The following RGS4 variants were observed in gnomAD, a reference collection of about 807,000 sequenced individuals.
RGS4 encodes the protein schizophrenia disorder 9.
In RGS4, 15 loss-of-function variants were observed where a neutral mutation model predicts 21.6. That is an observed-to-expected ratio of 0.69 (90% CI 0.46 to 1.07). The LOEUF is 1.07. Among genes scored for constraint, RGS4 ranks in the 50% least tolerant of loss-of-function variants. The pLI is 0.00. For missense variants in RGS4, 237 were observed against 239.0 expected (o/e 0.99, Z 0.06); for synonymous variants, 94 against 85.5 (o/e 1.10, Z -0.55).
chr1:163,072,322 A>T, intron 1 of RGS4, 73 bp from the exon 2 acceptor site: 3 of 1,202,436 alleles, frequency 2.5e-6, no homozygotes, highest in Non-Finnish European at 3.6e-6. Flanking sequence ...TGGACTCTTC[A>T]AGCTCTACCA....
chr1:163,070,670 G>C (rs1321857492), intron 1 of RGS4: 1 of 152,142 alleles, frequency 6.6e-6, no homozygotes, highest in African/African-American at 2.4e-5. Flanking sequence ...ACTTGCATAT[G>C]AAATGAACCG....
intron 3 of RGS4, 118 bp from the exon 4 acceptor site, chr1:163,073,338 A>G (rs1041891396): frequency 1.2e-6 from 1 of 827,842 alleles, no homozygotes; most frequent in Admixed American, 2.8e-5. Flanking sequence ...AAGCAGGGGA[A>G]AAAGGGATTG....
At chr1:163,074,251 T>C in intron 4 of RGS4, 70 bp from the exon 5 acceptor site, 1 of 1,596,504 alleles carries the variant, frequency 6.3e-7, no homozygotes. Context: ...TACAAGTCAC[T>C]ACAAAGCATA....
Position 163,075,974 on chromosome 1 carries a change from G to C in RGS4, c.*1414G>C, listed in dbSNP as rs1021555185. 2.0e-5 allele frequency: 3 copies of C among 152,254 alleles called. No homozygotes were observed. The highest frequency in any genetic ancestry group is 7.3e-5 in the African/African-American group (3 of 41,368). 9.4% of individuals were successfully genotyped at this position (152,254 alleles called of 1,614,324 possible). On this transcript the variant is annotated 3_prime_UTR_variant, in exon 5 of 5. Transcript: ENST00000367909. ...AAAAGAAAAGAAAAAAAAAATGATT[G>C]TCTAACCAATTGTGAGAATTACTGT...
chr1:163,070,429 G>C (rs988314721), intron 1 of RGS4: 1 of 152,056 alleles, frequency 6.6e-6, no homozygotes, highest in Non-Finnish European at 1.5e-5. Flanking sequence ...ACTGCAAATA[G>C]AAATTACCAC....
Position 163,072,794 on chromosome 1 carries a change from A to AT in RGS4, c.150-5dup, listed in dbSNP as rs1277471382. The AT allele has an allele frequency of 2.5e-6, 4 of 1,610,614 alleles. No homozygotes were observed. The highest frequency in any genetic ancestry group is 3.4e-6 in the Non-Finnish European group (4 of 1,177,888). Reference sequence around the variant, plus strand: ...CATTCCAATTATTCTGTTTCTCTCTATTTTTTCTAGAGTGAGCCAAGAGGA... The same window carrying AT: ...CATTCCAATTATTCTGTTTCTCTCTATTTTTTTCTAGAGTGAGCCAAGAGGA... On this transcript the variant is annotated splice_polypyrimidine_tract_variant and intron_variant, in intron 2 of 4. Coordinates refer to ENST00000367909, the MANE Select transcript of RGS4 (RefSeq NM_005613.6).
intron 1 of RGS4, chr1:163,070,645 T>C (rs1309459964): frequency 6.6e-6 from 1 of 152,190 alleles, no homozygotes. Flanking sequence ...AGCAAATTAC[T>C]TCAAGCTTCA....
At position 163,074,307 on chromosome 1, in the gene RGS4, C is replaced by T. The variant is rs770152187; in HGVS notation, c.379-14C>T. The T allele has an allele frequency of 3.1e-6, 5 of 1,613,414 alleles. No individual in the cohort carries two copies. Among genetic ancestry groups the T allele is most frequent in the Non-Finnish European group, 4.2e-6 (5 of 1,179,712 alleles). On this transcript the variant is annotated splice_polypyrimidine_tract_variant and intron_variant, in intron 4 of 4. Transcript: ENST00000367909. Reference sequence around the variant, plus strand: ...GGATATAGGTCTAATGAAGCCTTGGCCTTTGCCCCTCAGGTGAACCTGGAT... The same window carrying T: ...GGATATAGGTCTAATGAAGCCTTGGTCTTTGCCCCTCAGGTGAACCTGGAT...
At position 163,076,120 on chromosome 1, in the gene RGS4, C is replaced by T. The variant is rs1655488010; in HGVS notation, c.*1560C>T. 6.6e-6 allele frequency: 1 copy of T among 152,528 alleles called. No individual in the cohort carries two copies. The highest frequency in any genetic ancestry group is 6.6e-5 in the Admixed American group (1 of 15,250). 9.4% of individuals were successfully genotyped at this position (152,528 alleles called of 1,614,324 possible). A position where few individuals can be genotyped will look rare whatever the true frequency, so the allele number is the denominator to read the frequency against. On this transcript the variant is annotated 3_prime_UTR_variant, in exon 5 of 5. Coordinates refer to ENST00000367909, the MANE Select transcript of RGS4 (RefSeq NM_005613.6). Reference sequence around the variant, plus strand: ...TATAAATGGAGGTACAGGATATCACCTGAATTATTAATGAATGCCCAGGAA... The same window carrying T: ...TATAAATGGAGGTACAGGATATCACTTGAATTATTAATGAATGCCCAGGAA...
chr1:163,073,690 C>T, intron 4 of RGS4, 68 bp downstream of exon 4: 1 of 1,021,868 alleles, frequency 9.8e-7, no homozygotes, highest in Non-Finnish European at 1.4e-6. Flanking sequence ...TTGATACATG[C>T]ATACAATGTG....
rs1191842196 is a variant in RGS4 at position 163,074,794 on chromosome 1, G to T, written c.*234G>T. On this transcript the variant is annotated 3_prime_UTR_variant, in exon 5 of 5. Coordinates refer to ENST00000367909, the MANE Select transcript of RGS4 (RefSeq NM_005613.6). ...CCAATTTTCCTAAGTTTCTTTGAGG[G>T]TTCCATGGGAGCAAATATCTAAATA... The T allele has an allele frequency of 3.1e-6, 2 of 641,180 alleles. No homozygotes were observed. Among genetic ancestry groups the T allele is most frequent in the Non-Finnish European group, 5.5e-6 (2 of 364,016 alleles). 39.7% of individuals were successfully genotyped at this position (641,180 alleles called of 1,614,324 possible).
At chr1:163,074,189 C>A in intron 4 of RGS4, 132 bp from the exon 5 acceptor site, 1 of 1,118,516 alleles carries the variant, frequency 8.9e-7, no homozygotes, top group Non-Finnish European at 1.3e-6. Context: ...AAGGAGGACC[C>A]CAATGTCACT....
intron 3 of RGS4, 54 bp downstream of exon 3, chr1:163,072,920 A>T: frequency 2.1e-6 from 3 of 1,457,396 alleles, no homozygotes; most frequent in Non-Finnish European, 2.9e-6. Context: ...AAGTTATATT[A>T]TGCTGGTCTA....
At chr1:163,071,347 C>G (rs2102341956) in intron 1 of RGS4, among the ~76,000 whole-genome samples, 1 of 152,210 alleles carries the variant, frequency 6.6e-6, no homozygotes, top group Admixed American at 6.5e-5. Flanking sequence ...AGTGGCCATC[C>G]TAAATGTCTT....
In RGS4 at chr1:163,072,381, T is replaced by TC. The variant is rs376828768; in HGVS notation, c.45-13dup. 5 of 1,586,184 alleles carry TC rather than the reference T, an allele frequency of 3.2e-6. No homozygotes were observed. The African/African-American group carries it at 6.7e-5, about 21-fold the overall frequency. ...GGTTATTACTATTTATTCATTTTTT[T>TC]CTCTTCTGTGCAGTGCAAAAGATAT... is the stretch of plus-strand genomic sequence containing the variant. On this transcript the variant is annotated splice_polypyrimidine_tract_variant and intron_variant, in intron 1 of 4. Coordinates refer to ENST00000367909, the MANE Select transcript of RGS4 (RefSeq NM_005613.6).
chr1:163,072,374 A>AT lies in RGS4; in HGVS notation c.45-14dup, dbSNP rs767077703. On this transcript the variant is annotated intron_variant, in intron 1 of 4. Transcript: ENST00000367909. ...GAAAGCTGGTTATTACTATTTATTCATTTTTTTCTCTTCTGTGCAGTGCAA... is the reference window on the plus strand; with the variant it reads ...GAAAGCTGGTTATTACTATTTATTCATTTTTTTTCTCTTCTGTGCAGTGCAA... The AT allele has an allele frequency of 1.4e-5, 22 of 1,562,038 alleles. No individual in the cohort carries two copies. The Admixed American group carries it at 1.7e-4, about 12-fold the overall frequency.
chr1:163,074,730 G>C lies in RGS4; in HGVS notation c.*170G>C, dbSNP rs1214722353. ...TACGCATAAACTAGATATAGCTTTT[G>C]GTGTTTGAGTGTTCATCAGGGTGGG... On this transcript the variant is annotated 3_prime_UTR_variant, in exon 5 of 5. Coordinates refer to ENST00000367909, the MANE Select transcript of RGS4 (RefSeq NM_005613.6). 2.0e-6 allele frequency: 2 copies of C among 1,006,530 alleles called. No homozygotes were observed. The highest frequency in any genetic ancestry group is 3.2e-5 in the African/African-American group (2 of 63,082). 62.3% of individuals were successfully genotyped at this position (1,006,530 alleles called of 1,614,324 possible).
chr1:163,073,349 C>T, intron 3 of RGS4, 107 bp from the exon 4 acceptor site: 1 of 921,760 alleles, frequency 1.1e-6, no homozygotes, highest in Non-Finnish European at 1.6e-6. Context: ...AAAGGGATTG[C>T]TTGAATCCAT....
At chr1:163,072,921 T>C in intron 3 of RGS4, 55 bp downstream of exon 3, 1 of 1,457,440 alleles carries the variant, frequency 6.9e-7, no homozygotes, top group Non-Finnish European at 9.6e-7. Context: ...AGTTATATTA[T>C]GCTGGTCTAA....
Sources: gnomAD v4.1 joint callset for allele counts (sites outside exome capture counted in the v4.1 genomes callset) on GRCh38, gnomAD v4.1.1 for gene constraint, MANE v1.5 for transcripts, NCBI Gene and HGNC (gene_info 2026-07-23, HGNC 2026-07-21) for gene names.